The following CLDN10 variants were observed in gnomAD, a reference collection of about 807,000 sequenced individuals.
The protein encoded by CLDN10 is claudin 10, also known as claudin-10.
CLDN10 carries 15 observed loss-of-function variants against 22.9 expected under a neutral mutation model. The ratio of observed to expected loss-of-function variants is 0.65; its 90% CI spans 0.44 to 1.01. The LOEUF is 1.01. Ranked by LOEUF, CLDN10 falls within the 50% of genes least tolerant of loss-of-function variation. The pLI is 0.00. For missense variants in CLDN10, 247 were observed against 287.8 expected (o/e 0.86, Z 1.03); for synonymous variants, 114 against 111.4 (o/e 1.02, Z -0.15).
At position 95,500,005 on chromosome 13, in the gene CLDN10, T is replaced by G. The variant is rs138714816; in HGVS notation, c.215-60127T>G. Among the ~76,000 whole-genome samples the G allele has an allele frequency of 7.4e-3, 1,125 of 152,364 alleles. 5 individuals carry two copies. The highest frequency in any genetic ancestry group is 0.011 in the Non-Finnish European group (738 of 68,040). On this transcript the variant is annotated intron_variant, in intron 1 of 4. Transcript: ENST00000376873. ...TGTTGAGCCTCATTCAAAGCCATCC[T>G]TGGCCCACAGGCAGCCCATAGGCCA...
intron 1 of CLDN10, among the ~76,000 whole-genome samples, chr13:95,524,020 G>A (rs2043249510): frequency 6.6e-6 from 1 of 151,286 alleles, no homozygotes; most frequent in African/African-American, 2.4e-5. Flanking sequence ...TAATTTCATT[G>A]TCCTCTGGCT....
intron 1 of CLDN10, among the ~76,000 whole-genome samples, chr13:95,487,211 C>T (rs1188431004): frequency 6.6e-6 from 1 of 152,222 alleles, no homozygotes; most frequent in Non-Finnish European, 1.5e-5. Context: ...TCCTCTTGCT[C>T]AGAACTGAAG....
intron 1 of CLDN10, among the ~76,000 whole-genome samples, chr13:95,508,608 G>A (rs996605320): frequency 1.3e-5 from 2 of 152,244 alleles, no homozygotes; most frequent in East Asian, 1.9e-4. Flanking sequence ...CCGCCCAACT[G>A]TATGACCAGA....
intron 1 of CLDN10, among the ~76,000 whole-genome samples, chr13:95,515,731 A>G (rs1191181148): frequency 6.6e-6 from 1 of 152,192 alleles, no homozygotes; most frequent in Non-Finnish European, 1.5e-5. Context: ...GGTTTGCTTG[A>G]TGATGGCTTG....
chr13:95,553,991 T>A (rs926627852), intron 1 of CLDN10, among the ~76,000 whole-genome samples: 2 of 152,228 alleles, frequency 1.3e-5, no homozygotes, highest in African/African-American at 4.8e-5. Flanking sequence ...TTTCTTTTAT[T>A]ACCGCACTTG....
chr13:95,499,123 C>T (rs1280222080), intron 1 of CLDN10, among the ~76,000 whole-genome samples: 3 of 152,120 alleles, frequency 2.0e-5, no homozygotes, highest in African/African-American at 7.2e-5. Flanking sequence ...TCCATTAATC[C>T]GTCCATGCCA....
At chr13:95,564,015 T>C (rs1168326014) in intron 3 of CLDN10, among the ~76,000 whole-genome samples, 1 of 152,230 alleles carries the variant, frequency 6.6e-6, no homozygotes, top group Non-Finnish European at 1.5e-5. Flanking sequence ...AATTTGATAA[T>C]TGATGCTTCT....
chr13:95,434,075 G>C, intron 1 of CLDN10: 1 of 1,591,980 alleles, frequency 6.3e-7, no homozygotes, highest in South Asian at 1.1e-5. Context: ...GTTTGGGGTG[G>C]AGGTAAAATG....
chr13:95,474,481 T>G (rs2042666085), intron 1 of CLDN10, among the ~76,000 whole-genome samples: 1 of 151,670 alleles, frequency 6.6e-6, no homozygotes, highest in Non-Finnish European at 1.5e-5. Flanking sequence ...TGGGGACCCC[T>G]GCAATAAAAC....
chr13:95,522,960 G>T (rs2043238491), intron 1 of CLDN10, among the ~76,000 whole-genome samples: 2 of 150,982 alleles, frequency 1.3e-5, no homozygotes, highest in South Asian at 4.2e-4. Context: ...TTTGTCTCTT[G>T]GGTTTTGTTT....
At chr13:95,517,337 A>G (rs1218321797) in intron 1 of CLDN10, among the ~76,000 whole-genome samples, 1 of 152,180 alleles carries the variant, frequency 6.6e-6, no homozygotes, top group East Asian at 1.9e-4. Context: ...CCACAGACAA[A>G]CAATGGGAGT....
intron 1 of CLDN10, among the ~76,000 whole-genome samples, chr13:95,474,921 G>A (rs2042670621): frequency 6.6e-6 from 1 of 152,174 alleles, no homozygotes; most frequent in Admixed American, 6.5e-5. Flanking sequence ...AGAAGAGGCG[G>A]TGGGTGGAGG....
At chr13:95,569,674 T>A (rs183021401) in intron 3 of CLDN10, among the ~76,000 whole-genome samples, 39 of 152,360 alleles carry the variant, frequency 2.6e-4, no homozygotes, top group South Asian at 1.7e-3. Context: ...AGCATTGAGT[T>A]AGAGATAAGT....
chr13:95,480,311 G>C (rs1040377447), intron 1 of CLDN10, among the ~76,000 whole-genome samples: 3 of 151,790 alleles, frequency 2.0e-5, no homozygotes, highest in Non-Finnish European at 4.4e-5. Flanking sequence ...CTTCTTTCCA[G>C]TTTCACATTG....
chr13:95,526,467 C>G (rs1035250190), intron 1 of CLDN10, among the ~76,000 whole-genome samples: 3 of 152,136 alleles, frequency 2.0e-5, no homozygotes, highest in African/African-American at 7.2e-5. Flanking sequence ...TAAGTTGTTC[C>G]TTATGAAACT....
intron 1 of CLDN10, among the ~76,000 whole-genome samples, chr13:95,476,303 C>T (rs942804532): frequency 1.3e-5 from 2 of 152,128 alleles, no homozygotes; most frequent in Non-Finnish European, 1.5e-5. Context: ...GTATTTCCCA[C>T]GGTTCTGGAG....
At chr13:95,522,953 G>A (rs1266418462) in intron 1 of CLDN10, among the ~76,000 whole-genome samples, 1 of 150,998 alleles carries the variant, frequency 6.6e-6, no homozygotes, top group Non-Finnish European at 1.5e-5. Flanking sequence ...TTTTTGTTTT[G>A]TCTCTTGGGT....
At chr13:95,456,482 G>A (rs1291927378) in intron 1 of CLDN10, among the ~76,000 whole-genome samples, 1 of 152,122 alleles carries the variant, frequency 6.6e-6, no homozygotes, top group Non-Finnish European at 1.5e-5. Context: ...GCCTAGCATG[G>A]TGACTCACTC....
Position 95,462,549 on chromosome 13 carries a change from G to A in CLDN10, c.214+28502G>A, listed in dbSNP as rs575238069. ...TAGGGTGGGCACAGCCCTATCACAC[G>A]GTTCCCTTTACAAGGGTGGTTGGGA... On this transcript the variant is annotated intron_variant, in intron 1 of 4. Coordinates refer to the CLDN10 transcript ENST00000376873. Among the ~76,000 whole-genome samples the A allele has an allele frequency of 8.5e-4, 130 of 152,302 alleles. 1 individual carries two copies. The highest frequency in any genetic ancestry group is 3.0e-3 in the African/African-American group (125 of 41,566).
Sources: gnomAD v4.1 joint callset for allele counts (sites outside exome capture counted in the v4.1 genomes callset) on GRCh38, gnomAD v4.1.1 for gene constraint, MANE v1.5 for transcripts, NCBI Gene and HGNC (gene_info 2026-07-23, HGNC 2026-07-21) for gene names.